ZNF789: variants seen among roughly 807,000 people sequenced by gnomAD.
ZNF789 encodes the protein zinc finger protein 789.
ZNF789 carries 11 observed loss-of-function variants against 15.6 expected under a neutral mutation model. The ratio of observed to expected loss-of-function variants is 0.70; its 90% CI spans 0.44 to 1.16. ZNF789 has a LOEUF of 1.16. Among genes scored for constraint, ZNF789 ranks in the 50% most tolerant of loss-of-function variants. The probability of loss-of-function intolerance (pLI) is 0.00; values close to 1 mark genes in which losing one functional copy is unlikely to be tolerated. For synonymous variants in ZNF789, 159 were observed against 176.0 expected, an observed-to-expected ratio of 0.90 and a Z score of 0.76; for missense variants, 461 against 512.6, an observed-to-expected ratio of 0.90 and a Z score of 0.97.
Position 99,479,649 on chromosome 7 carries a change from C to A in ZNF789, c.25-12C>A. Reference sequence around the variant, plus strand: ...TAAGAATTGCAGTTACCTTTATCAGCTACTTTTCCAGGAGCTGCTCTCGTT... The same window carrying A: ...TAAGAATTGCAGTTACCTTTATCAGATACTTTTCCAGGAGCTGCTCTCGTT... On this transcript the variant is annotated splice_polypyrimidine_tract_variant and intron_variant, in intron 2 of 4. Coordinates refer to ENST00000331410, the MANE Select transcript of ZNF789 (RefSeq NM_213603.3). The A allele has an allele frequency of 6.3e-7, 1 of 1,583,268 alleles. No individual in the cohort carries two copies. Among genetic ancestry groups the A allele is most frequent in the Non-Finnish European group, 8.6e-7 (1 of 1,166,908 alleles).
intron 4 of ZNF789, 53 bp from the exon 5 acceptor site, chr7:99,486,420 CTTT>C: frequency 6.6e-7 from 1 of 1,503,910 alleles, no homozygotes; most frequent in Non-Finnish European, 8.9e-7. Flanking sequence ...CCTTCTCTTC[CTTT>C]TTTTCTTCTG....
In ZNF789 at chr7:99,486,511, C is replaced by T; in HGVS notation, c.301C>T (p.Pro101Ser). 6.2e-7 allele frequency: 1 copy of T among 1,612,914 alleles called. No individual in the cohort carries two copies. Among genetic ancestry groups the T allele is most frequent in the Non-Finnish European group, 8.5e-7 (1 of 1,179,634 alleles). ...EARHKMKKLT[P>S]KQKFSEDLES... ...CAGACACAAGATGAAAAAGCTAACT[C>T]CAAAACAGAAATTTTCTGAAGATTT... is the stretch of plus-strand genomic sequence containing the variant. Residue 101 changes from proline to serine, a missense_variant, in exon 5 of 5, where the codon CCA (proline) becomes TCA (serine). Coordinates refer to ENST00000331410, the MANE Select transcript of ZNF789 (RefSeq NM_213603.3).
chr7:99,487,254 G>A lies in ZNF789; in HGVS notation c.1044G>A (p.Gln348=), dbSNP rs1464982014. 6.2e-7 allele frequency: 1 copy of A among 1,614,192 alleles called. No individual in the cohort carries two copies. The highest frequency in any genetic ancestry group is 1.1e-5 in the South Asian group (1 of 91,084). ...PNTHKCSECG[Q]SFGRNVDLIQ... is the part of the protein sequence containing the mutation. ...CCCATAAATGCAGTGAATGTGGACA[G>A]TCCTTTGGTAGGAATGTGGATCTCA... The change falls in exon 5 of 5, where the codon CAG becomes CAA. Residue 348 remains glutamine, a synonymous_variant. Transcript: ENST00000331410.
chr7:99,478,186 A>G (rs900051475), intron 2 of ZNF789: 3 of 914,776 alleles, frequency 3.3e-6, no homozygotes, highest in East Asian at 6.3e-5. Context: ...CCAAGAACCT[A>G]TTGTGGATGT....
In ZNF789 at chr7:99,486,569, A is replaced by C. The variant is rs141501495; in HGVS notation, c.359A>C (p.Glu120Ala). ...ESYKISVVMQESAEKLSEKLH... is the reference protein window; with the variant it reads ...ESYKISVVMQASAEKLSEKLH... Reference sequence around the variant, plus strand: ...TATAAGATATCAGTGGTAATGCAGGAATCAGCTGAGAAACTTTCAGAAAAG... The same window carrying C: ...TATAAGATATCAGTGGTAATGCAGGCATCAGCTGAGAAACTTTCAGAAAAG... The change falls in exon 5 of 5, where the codon GAA becomes GCA. Residue 120 changes from glutamate (E) to alanine (A), a missense_variant. Transcript: ENST00000331410. 38 of 1,614,224 alleles carry C rather than the reference A, an allele frequency of 2.4e-5. No individual in the cohort carries two copies. In the African/African-American group the frequency reaches 4.4e-4, roughly 19 times the overall value.
intron 2 of ZNF789, among the ~76,000 whole-genome samples, chr7:99,477,389 G>A (rs1437157214): frequency 6.6e-6 from 1 of 151,916 alleles, no homozygotes; most frequent in African/African-American, 2.4e-5. Context: ...GCCCAGGCTG[G>A]AATGCAGTGG....
In ZNF789 at chr7:99,479,718, C is replaced by G. The variant is rs753279142; in HGVS notation, c.82C>G (p.Leu28Val). The G allele has an allele frequency of 3.1e-6, 5 of 1,613,798 alleles. No individual in the cohort carries two copies. Among genetic ancestry groups the G allele is most frequent in the Non-Finnish European group, 4.2e-6 (5 of 1,179,936 alleles). ...CTTCACCAGAGAGGAGTGGGGCCACCTCAACTGGGGTCAGAAGGACCTCTA... is the reference window on the plus strand; with the variant it reads ...CTTCACCAGAGAGGAGTGGGGCCACGTCAACTGGGGTCAGAAGGACCTCTA... ...MYFTREEWGH[L>V]NWGQKDLYRD... The change falls in exon 3 of 5, where the codon CTC becomes GTC. Residue 28 changes from leucine to valine, a missense_variant. Leu to Val is a conservative substitution (Grantham distance 32). Transcript: ENST00000331410.
At chr7:99,479,409 G>T in intron 2 of ZNF789, 1 of 350,246 alleles carries the variant, frequency 2.9e-6, no homozygotes, top group East Asian at 4.4e-5. Context: ...AGACCAGAGG[G>T]CCTGAAAAGC....
chr7:99,487,161 G>GTT lies in ZNF789; in HGVS notation c.952_953insTT (p.Cys318PhefsTer140), dbSNP rs1483289047. On this transcript the variant is annotated frameshift_variant, in exon 5 of 5. Transcript: ENST00000331410. LOFTEE classifies it low-confidence loss of function (END_TRUNC). Reference sequence around the variant, plus strand: ...GAGAAAAACGCCATAAATGCCTTGAGTGTGGAAAAGCCTTTGGCCGGCATT... The same window carrying GTT: ...GAGAAAAACGCCATAAATGCCTTGAGTTTGTGGAAAAGCCTTTGGCCGGCATT... 6.2e-7 allele frequency: 1 copy of GTT among 1,614,168 alleles called. No individual in the cohort carries two copies. Among genetic ancestry groups the GTT allele is most frequent in the South Asian group, 1.1e-5 (1 of 91,090 alleles).
At chr7:99,482,544 C>A (rs756282796) in intron 3 of ZNF789, among the ~76,000 whole-genome samples, 3 of 152,110 alleles carry the variant, frequency 2.0e-5, no homozygotes, top group Admixed American at 6.6e-5. Flanking sequence ...ATACACACTA[C>A]ATAGTTTTTT....
intron 3 of ZNF789, chr7:99,482,039 C>T: frequency 3.0e-6 from 2 of 677,130 alleles, no homozygotes; most frequent in Non-Finnish European, 5.4e-6. Flanking sequence ...TTTTGGAATA[C>T]TCATAAATAT....
chr7:99,480,125 AG>A (rs1161638094), intron 3 of ZNF789: 2 of 310,842 alleles, frequency 6.4e-6, no homozygotes, highest in African/African-American at 4.3e-5. Context: ...CAGTAGTTTG[AG>A]ACCAGCCTGG....
At chr7:99,478,487 A>T (rs1036514411) in intron 2 of ZNF789, 1 of 705,352 alleles carries the variant, frequency 1.4e-6, no homozygotes, top group Admixed American at 2.3e-5. Context: ...GGATGGTCTC[A>T]GGATGGGGGT....
chr7:99,477,333 G>C (rs2151054403), intron 2 of ZNF789, among the ~76,000 whole-genome samples: 1 of 151,832 alleles, frequency 6.6e-6, no homozygotes, highest in Non-Finnish European at 1.5e-5. Flanking sequence ...GAGCCACTGT[G>C]CCCAGCCTGT....
At chr7:99,484,634 T>C (rs1199242775) in intron 4 of ZNF789, among the ~76,000 whole-genome samples, 1 of 145,960 alleles carries the variant, frequency 6.9e-6, no homozygotes, top group African/African-American at 2.6e-5. Flanking sequence ...AAAATATATA[T>C]ATATATCACA....
intron 4 of ZNF789, among the ~76,000 whole-genome samples, chr7:99,484,669 C>T (rs1013439592): frequency 6.6e-6 from 1 of 151,632 alleles, no homozygotes; most frequent in East Asian, 1.9e-4. Flanking sequence ...GGGCTCACGC[C>T]GGTAATCCCA....
chr7:99,485,420 A>C (rs761693327), intron 4 of ZNF789: 10 of 653,338 alleles, frequency 1.5e-5, no homozygotes, highest in Non-Finnish European at 2.8e-5. Flanking sequence ...GTTCACCCCT[A>C]GTTGAGACCC....
intron 3 of ZNF789, chr7:99,482,239 T>C (rs1475285590): frequency 3.9e-6 from 3 of 779,136 alleles, no homozygotes; most frequent in South Asian, 1.3e-5. Context: ...AATTGTACTT[T>C]AGGCTATATT....
At chr7:99,486,410 C>G in intron 4 of ZNF789, 66 bp from the exon 5 acceptor site, 1 of 1,438,614 alleles carries the variant, frequency 7.0e-7, no homozygotes, top group Non-Finnish European at 9.4e-7. Context: ...CTAACAGTTG[C>G]CTTCTCTTCC....
Sources: allele counts gnomAD v4.1 joint callset (sites outside exome capture counted in the v4.1 genomes callset), GRCh38; gene constraint gnomAD v4.1.1; transcripts MANE v1.5; gene names NCBI Gene and HGNC (gene_info 2026-07-23, HGNC 2026-07-21).